Variants in KCNA6 observed in about 807,000 individuals in gnomAD.
KCNA6 encodes potassium voltage-gated channel subfamily A member 6.
Under a neutral mutation model 29.5 loss-of-function variants are expected in KCNA6, and 17 were observed. The observed-to-expected ratio is 0.58, with a 90% CI of 0.39 to 0.86. The LOEUF (loss-of-function observed/expected upper bound fraction) is 0.86, where lower values mean the gene tolerates loss of function less well. Among genes scored for constraint, KCNA6 ranks in the 40% least tolerant of loss-of-function variants. The pLI is 0.00. For synonymous variants in KCNA6, 296 were observed against 304.7 expected, an observed-to-expected ratio of 0.97 and a Z score of 0.30; for missense variants, 450 against 703.4, an observed-to-expected ratio of 0.64 and a Z score of 4.07.
rs774410290 is a variant in KCNA6 at position 4,810,760 on chromosome 12, C to A, written c.719C>A (p.Pro240His). The change falls in exon 1 of 1, where the codon CCT becomes CAT. Residue 240 changes from proline to histidine, a missense_variant. Around this residue, in one of 7 missense-constraint regions of KCNA6, gnomAD observed 74 missense variants for 71.5 expected, o/e 1.03. Coordinates refer to ENST00000280684, the Ensembl canonical transcript of KCNA6. The surrounding 1 kb of genome is among the most constrained non-coding windows in gnomAD (Gnocchi z 7.5). ...TACACATTTCATCATGGCATCACCC[C>A]TGGGGAAATGGGGACCGGGGGCTCC... 6.2e-7 allele frequency: 1 copy of A among 1,602,942 alleles called. No individual in the cohort carries two copies.
At chr12:4,850,697 C>A in the KCNA6 span, 1 of 409,284 alleles carries the variant, frequency 2.4e-6, no homozygotes, top group South Asian at 1.8e-5. The surrounding 1 kb of genome is among the most constrained non-coding windows in gnomAD (Gnocchi z 5.4). Flanking sequence ...AACCTCATAT[C>A]ACTAACTACA....
the KCNA6 span, among the ~76,000 whole-genome samples, chr12:4,827,169 C>CTTCCCTCG: frequency 1.3e-4 from 15 of 111,924 alleles, no homozygotes; most frequent in Non-Finnish European, 2.5e-4. Context: ...TCCTTCCCTC[C>CTTCCCTCG]TTCTTTCCTT....
At chr12:4,822,693 T>C in the KCNA6 span, among the ~76,000 whole-genome samples, 29,416 of 152,232 alleles carry the variant, frequency 0.19, 3,010 homozygotes, top group South Asian at 0.32. Context: ...GATGTCAGAC[T>C]GTGGAGCACT....
At chr12:4,832,363 T>A in the KCNA6 span, among the ~76,000 whole-genome samples, 1 of 152,168 alleles carries the variant, frequency 6.6e-6, no homozygotes, top group Non-Finnish European at 1.5e-5. Flanking sequence ...CCAGCGGCAG[T>A]GCGCCCACTG....
chr12:4,818,126 C>T (rs115331054), downstream of KCNA6, among the ~76,000 whole-genome samples: 318 of 152,264 alleles, frequency 2.1e-3, 2 homozygotes, highest in African/African-American at 7.5e-3. Context: ...GGAGGACTTG[C>T]CACTGGAAGC....
At chr12:4,846,765 C>CTT in the KCNA6 span, among the ~76,000 whole-genome samples, 4 of 100,672 alleles carry the variant, frequency 4.0e-5, no homozygotes, top group African/African-American at 1.2e-4. Context: ...TGGAACACCT[C>CTT]TTTTTTTTTT....
the KCNA6 span, among the ~76,000 whole-genome samples, chr12:4,846,935 C>T: frequency 2.0e-5 from 3 of 151,602 alleles, no homozygotes; most frequent in African/African-American, 7.3e-5. Flanking sequence ...CCCGCCACCA[C>T]GCCCAGCTAA....
At chr12:4,818,585 T>C in the KCNA6 span, among the ~76,000 whole-genome samples, 1 of 152,252 alleles carries the variant, frequency 6.6e-6, no homozygotes, top group East Asian at 1.9e-4. Context: ...TTTGTTTTTT[T>C]CTTTGGCAGA....
Position 4,810,014 on chromosome 12 carries a change from G to T in KCNA6, c.-28G>T. On this transcript the variant is annotated 5_prime_UTR_variant, in exon 1 of 1. Transcript: ENST00000280684. This position sits in a 1 kb window ranked among gnomAD's most constrained non-coding sequence, Gnocchi z 7.5. ...AGATTGTGTCGTGGGCGCCGTCCTAGTGGCGGGGAGCGCACCTCCGAGGGG... is the reference window on the plus strand; with the variant it reads ...AGATTGTGTCGTGGGCGCCGTCCTATTGGCGGGGAGCGCACCTCCGAGGGG... 6.8e-6 allele frequency: 10 copies of T among 1,462,764 alleles called. No individual in the cohort carries two copies. The highest frequency in any genetic ancestry group is 8.1e-6 in the Non-Finnish European group (9 of 1,111,450). The allele number at this position is 1,462,764 out of a possible 1,614,324, so 90.6% of individuals were successfully genotyped here. A position where few individuals can be genotyped will look rare whatever the true frequency, so the allele number is the denominator to read the frequency against.
At chr12:4,817,936 A>G (rs1183919303), downstream of KCNA6, among the ~76,000 whole-genome samples, 2 of 152,238 alleles carry the variant, frequency 1.3e-5, no homozygotes, top group Admixed American at 1.3e-4. Context: ...AGCAAAGGCG[A>G]CATTTCAAAA....
chr12:4,810,827 C>G lies in KCNA6; in HGVS notation c.786C>G (p.Pro262=). 1 of 1,596,614 alleles carries G rather than the reference C, an allele frequency of 6.3e-7. No homozygotes were observed. Among genetic ancestry groups the G allele is most frequent in the Non-Finnish European group, 8.5e-7 (1 of 1,171,626 alleles). Reference sequence around the variant, plus strand: ...TTGGGGGCTCCTTCTTTACAGACCCCTTCTTTCTGGTGGAGACGCTGTGCA... The same window carrying G: ...TTGGGGGCTCCTTCTTTACAGACCCGTTCTTTCTGGTGGAGACGCTGTGCA... Residue 262 remains proline, a synonymous_variant, in exon 1 of 1, where the codon CCC becomes CCG. Transcript: ENST00000280684. The surrounding 1 kb of genome is among the most constrained non-coding windows in gnomAD (Gnocchi z 7.5).
At chr12:4,851,003 C>A in the KCNA6 span, 1 of 338,044 alleles carries the variant, frequency 3.0e-6, no homozygotes, top group South Asian at 2.3e-5. Context: ...GCAAAGAGAC[C>A]AGCTATGGGG....
rs750046971 is a variant in KCNA6, at chr12:4,810,807, G to C, written c.766G>C (p.Gly256Arg). 2.5e-6 allele frequency: 4 copies of C among 1,591,452 alleles called. No individual in the cohort carries two copies. The highest frequency in any genetic ancestry group is 1.7e-5 in the Admixed American group (1 of 58,424). The change falls in exon 1 of 1, where the codon GGC becomes CGC. Residue 256 changes from glycine to arginine, a missense_variant. By Grantham distance (125) the Gly-to-Arg change is moderately radical (BLOSUM62 -2). Around this residue, in one of 7 missense-constraint regions of KCNA6, gnomAD observed 74 missense variants for 71.5 expected, o/e 1.03. Transcript: ENST00000280684. The surrounding 1 kb of genome is among the most constrained non-coding windows in gnomAD (Gnocchi z 7.5). ...CTCCTCCTCACTCAGTACTCTTGGG[G>C]GCTCCTTCTTTACAGACCCCTTCTT... is the stretch of plus-strand genomic sequence containing the variant.
chr12:4,814,374 G>C (rs1229317541), downstream of KCNA6: 1 of 167,036 alleles, frequency 6.0e-6, no homozygotes, highest in Admixed American at 6.5e-5. This position sits in a 1 kb window ranked among gnomAD's most constrained non-coding sequence, Gnocchi z 4.6. Context: ...GCAGAGGCAG[G>C]CTCTTCCCAG....
At chr12:4,849,935 G>A in the KCNA6 span, among the ~76,000 whole-genome samples, 2 of 152,320 alleles carry the variant, frequency 1.3e-5, no homozygotes, top group East Asian at 3.9e-4. Flanking sequence ...AGTGCTTTGT[G>A]GTAGTCACAG....
downstream of KCNA6, chr12:4,813,436 A>T (rs899085989): frequency 6.0e-6 from 1 of 167,180 alleles, no homozygotes; most frequent in African/African-American, 2.4e-5. Flanking sequence ...CCCATAGGCA[A>T]GGCCTTCCCC....
chr12:4,826,519 T>C, the KCNA6 span, among the ~76,000 whole-genome samples: 2 of 152,090 alleles, frequency 1.3e-5, no homozygotes, highest in African/African-American at 4.8e-5. Context: ...GACTGTGGGG[T>C]GGGTGAGGAT....
chr12:4,823,293 C>T, the KCNA6 span, among the ~76,000 whole-genome samples: 1 of 151,950 alleles, frequency 6.6e-6, no homozygotes, highest in Admixed American at 6.5e-5. Context: ...TGAATTTAAA[C>T]TAGCTTATAG....
the KCNA6 span, chr12:4,850,629 G>A: frequency 9.3e-6 from 3 of 323,710 alleles, no homozygotes; most frequent in South Asian, 2.5e-5. The surrounding 1 kb of genome is among the most constrained non-coding windows in gnomAD (Gnocchi z 5.4). Context: ...AAATGCCAGC[G>A]GGGTGAGGAA....
Sources: allele counts gnomAD v4.1 joint callset (sites outside exome capture counted in the v4.1 genomes callset), GRCh38; gene constraint gnomAD v4.1.1; regional missense constraint gnomAD v4.1.1; non-coding constraint Gnocchi (gnomAD v3.1); transcripts MANE v1.5; gene names NCBI Gene and HGNC (gene_info 2026-07-23, HGNC 2026-07-21).